Variants in ME1 observed in about 807,000 individuals in gnomAD.
ME1 encodes malic enzyme 1, also known as NADP-dependent malic enzyme.
ME1 carries 74 observed loss-of-function variants against 66.4 expected under a neutral mutation model. The observed-to-expected ratio is 1.11, with a 90% CI of 0.92 to 1.35. The LOEUF (loss-of-function observed/expected upper bound fraction) is 1.35, where lower values mean the gene tolerates loss of function less well. Ranked by LOEUF, ME1 falls within the 40% of genes most tolerant of loss-of-function variation. ME1 has a pLI of 0.00. For synonymous variants in ME1, 251 were observed against 235.6 expected (o/e 1.07, Z -0.60); for missense variants, 750 against 694.1 (o/e 1.08, Z -0.90).
intron 12 of ME1, among the ~76,000 whole-genome samples, chr6:83,221,286 T>C (rs1232913409): frequency 6.6e-6 from 1 of 152,208 alleles, no homozygotes; most frequent in African/African-American, 2.4e-5. Flanking sequence ...AAGACAGTCA[T>C]GGCTACGGAG....
Position 83,360,630 on chromosome 6 carries a change from T to C in ME1, c.363-8491A>G, listed in dbSNP as rs1233528239. Among the ~76,000 whole-genome samples, 4 of 152,202 alleles carry C rather than the reference T, an allele frequency of 2.6e-5. 1 individual carries two copies. Among genetic ancestry groups the C allele is most frequent in the African/African-American group, 4.8e-5 (2 of 41,446 alleles). ...ACCATTAGAGCTGCCTCTACCTAAA[T>C]AGTAAATCAAAAACTATATCGCATC... On this transcript the variant is annotated intron_variant, in intron 3 of 13. Transcript: ENST00000369705.
At chr6:83,237,443 G>GGAAA (rs549469410) in intron 9 of ME1, among the ~76,000 whole-genome samples, 2 of 149,748 alleles carry the variant, frequency 1.3e-5, no homozygotes, top group South Asian at 4.3e-4. Context: ...AAGAAAGGAA[G>GGAAA]GAAAGAAAGA....
At chr6:83,314,336 T>G (rs1767985244) in intron 6 of ME1, among the ~76,000 whole-genome samples, 1 of 152,186 alleles carries the variant, frequency 6.6e-6, no homozygotes, top group African/African-American at 2.4e-5. Flanking sequence ...ATGCCACCAG[T>G]TACCCTGAAC....
At chr6:83,302,377 G>GA (rs919299500) in intron 6 of ME1, among the ~76,000 whole-genome samples, 1 of 152,096 alleles carries the variant, frequency 6.6e-6, no homozygotes, top group Non-Finnish European at 1.5e-5. Flanking sequence ...CCTGGGTGAT[G>GA]AAATAATCTG....
At chr6:83,319,243 T>C (rs1304278815) in intron 5 of ME1, among the ~76,000 whole-genome samples, 1 of 151,590 alleles carries the variant, frequency 6.6e-6, no homozygotes, top group Non-Finnish European at 1.5e-5. Flanking sequence ...GCATGGCACA[T>C]GTATATGTAT....
intron 6 of ME1, among the ~76,000 whole-genome samples, chr6:83,289,992 T>C (rs910053175): frequency 2.3e-4 from 35 of 152,326 alleles, no homozygotes; most frequent in Non-Finnish European, 3.8e-4. Flanking sequence ...CCTTTATCAT[T>C]TTTATTGCAT....
At chr6:83,365,675 G>A (rs1292986195) in intron 3 of ME1, among the ~76,000 whole-genome samples, 2 of 152,142 alleles carry the variant, frequency 1.3e-5, no homozygotes, top group Non-Finnish European at 2.9e-5. Context: ...GCTATACTTC[G>A]ATTCTTCACA....
At chr6:83,407,284 G>A (rs987865981) in intron 2 of ME1, among the ~76,000 whole-genome samples, 4 of 152,130 alleles carry the variant, frequency 2.6e-5, no homozygotes, top group Non-Finnish European at 5.9e-5. Context: ...GATAGAGCCT[G>A]AATTTCAATC....
At chr6:83,215,213 A>T (rs1285243521) in intron 13 of ME1, among the ~76,000 whole-genome samples, 1 of 152,216 alleles carries the variant, frequency 6.6e-6, no homozygotes, top group East Asian at 1.9e-4. Context: ...GGTGTTGTTT[A>T]GATAACTTGC....
rs567832947 is a variant in ME1, at chr6:83,317,785, C to G, written c.601-2372G>C. ...CAAGCTACCAATGCCTTTCTTCACA[C>G]AATTGGAAAAAACTACTTTAAAGTT... is the stretch of plus-strand genomic sequence containing the variant. On this transcript the variant is annotated intron_variant, in intron 5 of 13. Coordinates refer to ENST00000369705, the MANE Select transcript of ME1 (RefSeq NM_002395.6). 4.7e-4 allele frequency among the ~76,000 whole-genome samples: 71 copies of G among 152,160 alleles called. 1 individual carries two copies. The highest frequency in any genetic ancestry group is 6.8e-3 in the Middle Eastern group (2 of 294).
chr6:83,332,391 A>C (rs1471043165), intron 5 of ME1, among the ~76,000 whole-genome samples: 1 of 152,206 alleles, frequency 6.6e-6, no homozygotes, highest in African/African-American at 2.4e-5. Flanking sequence ...TCAATCCAGC[A>C]ATCCCACTAC....
intron 2 of ME1, among the ~76,000 whole-genome samples, chr6:83,403,745 TGTG>T (rs1769879316): frequency 6.6e-6 from 1 of 152,146 alleles, no homozygotes; most frequent in South Asian, 2.1e-4. Context: ...AGTGAGAACA[TGTG>T]GTGTTTAGTT....
chr6:83,244,055 C>A (rs958998895), intron 7 of ME1, among the ~76,000 whole-genome samples: 2 of 151,096 alleles, frequency 1.3e-5, no homozygotes, highest in Admixed American at 6.7e-5. Context: ...GGCAAGGATT[C>A]CATACTAGAA....
chr6:83,334,189 C>T (rs1185596182), intron 5 of ME1, among the ~76,000 whole-genome samples: 1 of 151,072 alleles, frequency 6.6e-6, no homozygotes, highest in Non-Finnish European at 1.5e-5. Context: ...TTTTCCGAGT[C>T]AAAGAAAGGG....
intron 6 of ME1, among the ~76,000 whole-genome samples, chr6:83,302,665 A>T (rs565351500): frequency 1.3e-5 from 2 of 152,206 alleles, no homozygotes. Flanking sequence ...TAGATATTTA[A>T]CCTGAGTTAT....
intron 6 of ME1, among the ~76,000 whole-genome samples, chr6:83,268,083 C>A (rs991055721): frequency 6.6e-6 from 1 of 152,128 alleles, no homozygotes; most frequent in African/African-American, 2.4e-5. Flanking sequence ...TGCCACTTTT[C>A]ATTCCTTTTC....
At chr6:83,292,647 T>C (rs1402807515) in intron 6 of ME1, among the ~76,000 whole-genome samples, 1 of 152,224 alleles carries the variant, frequency 6.6e-6, no homozygotes. Flanking sequence ...GAACCATTGC[T>C]GTCTTCAGAG....
intron 2 of ME1, among the ~76,000 whole-genome samples, chr6:83,405,469 C>T (rs528924166): frequency 1.9e-4 from 29 of 152,254 alleles, no homozygotes; most frequent in South Asian, 4.1e-4. Context: ...ATTTGACTTC[C>T]TCTCTTCCTA....
Position 83,398,501 on chromosome 6 carries a change from C to A in ME1, c.228G>T (p.Met76Ile). The A allele has an allele frequency of 6.5e-7, 1 of 1,550,384 alleles. No individual in the cohort carries two copies. The highest frequency in any genetic ancestry group is 8.8e-7 in the Non-Finnish European group (1 of 1,141,682). ...NSDFDRYLLL[M>I]DLQDRNEKLF... ...GTTTTTCATTTCTATCTTGGAGATC[C>A]ATTAAGAGAAGATACCTGTAAAAAT... Residue 76 changes from methionine (M) to isoleucine (I), a missense_variant, in exon 3 of 14, where the codon ATG becomes ATT. Coordinates refer to ENST00000369705, the MANE Select transcript of ME1 (RefSeq NM_002395.6).
Sources: allele counts gnomAD v4.1 joint callset (sites outside exome capture counted in the v4.1 genomes callset), GRCh38; gene constraint gnomAD v4.1.1; transcripts MANE v1.5; gene names NCBI Gene and HGNC (gene_info 2026-07-23, HGNC 2026-07-21).